Variants in NSUN6 observed in about 807,000 individuals in gnomAD.
The protein encoded by NSUN6 is tRNA (cytosine(72)-C(5))-methyltransferase NSUN6.
NSUN6 carries 64 observed loss-of-function variants against 58.0 expected under a neutral mutation model. That is an observed-to-expected ratio of 1.10 (90% CI 0.90 to 1.36). The LOEUF (loss-of-function observed/expected upper bound fraction) is 1.36, where lower values mean the gene tolerates loss of function less well. Ranked by LOEUF, NSUN6 falls within the 40% of genes most tolerant of loss-of-function variation. The pLI is 0.00. For missense variants in NSUN6, 701 were observed against 550.1 expected, an observed-to-expected ratio of 1.27 and a Z score of -2.74; for synonymous variants, 231 against 193.9, an observed-to-expected ratio of 1.19 and a Z score of -1.59.
At position 18,609,857 on chromosome 10, in the gene NSUN6, G is replaced by A; in HGVS notation, c.645C>T (p.Tyr215=). The A allele has an allele frequency of 1.9e-6, 3 of 1,563,674 alleles. No individual in the cohort carries two copies. The highest frequency in any genetic ancestry group is 2.6e-6 in the Non-Finnish European group (3 of 1,134,520). ...TATACATACTTACTTGTAAAAATAAGTAACGGGGCAGTACACTGTCAAATG... is the reference window on the plus strand; with the variant it reads ...TATACATACTTACTTGTAAAAATAAATAACGGGGCAGTACACTGTCAAATG... ...SPSFDSVLPR[Y]LFLQNLPSAL... is the part of the protein sequence containing the mutation. The change falls in exon 6 of 11, where the codon TAC becomes TAT. Residue 215 remains tyrosine (Y), a synonymous_variant. Coordinates refer to ENST00000377304, the MANE Select transcript of NSUN6 (RefSeq NM_182543.5).
chr10:18,560,577 G>A (rs1323585848), intron 8 of NSUN6, among the ~76,000 whole-genome samples: 3 of 149,404 alleles, frequency 2.0e-5, no homozygotes. Context: ...TGGAATGGAG[G>A]ATGGTATGGA....
At chr10:18,551,244 TTGTGTGTGTGTGTGTGTGTGTGTG>T (rs35396134) in intron 9 of NSUN6, among the ~76,000 whole-genome samples, 6 of 127,080 alleles carry the variant, frequency 4.7e-5, no homozygotes, top group African/African-American at 1.2e-4. Context: ...GTCCTCTCAG[TTGTGTGTGTGTGTGTGTGTGTGTG>T]TGTGTGTGTG....
chr10:18,638,313 C>T (rs1014500088), intron 3 of NSUN6, among the ~76,000 whole-genome samples: 1 of 152,002 alleles, frequency 6.6e-6, no homozygotes, highest in Non-Finnish European at 1.5e-5. Flanking sequence ...ATGGTGGCAG[C>T]TGCCTGTAAT....
chr10:18,557,379 G>C (rs2055110298), intron 8 of NSUN6, among the ~76,000 whole-genome samples: 1 of 150,824 alleles, frequency 6.6e-6, no homozygotes, highest in Admixed American at 6.6e-5. Context: ...AAATGGAGTG[G>C]AGAGTGGAAT....
chr10:18,571,085 CTCCAT>C (rs908226428), intron 8 of NSUN6, among the ~76,000 whole-genome samples: 3 of 150,954 alleles, frequency 2.0e-5, no homozygotes, highest in East Asian at 2.0e-4. Flanking sequence ...GCATTCCATG[CTCCAT>C]TCCATTCCAT....
Position 18,642,401 on chromosome 10 carries a change from C to T in NSUN6, c.311+75G>A, listed in dbSNP as rs2059416073. 1.7e-5 allele frequency: 13 copies of T among 749,354 alleles called. No homozygotes were observed. The South Asian group carries it at 1.9e-4, about 11-fold the overall frequency. The allele number at this position is 749,354 out of a possible 1,614,324, so 46.4% of individuals were successfully genotyped here. On this transcript the variant is annotated intron_variant, in intron 3 of 10. Transcript: ENST00000377304. Reference sequence around the variant, plus strand: ...ACAATGGAGAAACTTAGTATTATCACTGAACAATTAAAAAGCTCCCTGTGA... The same window carrying T: ...ACAATGGAGAAACTTAGTATTATCATTGAACAATTAAAAAGCTCCCTGTGA...
At chr10:18,565,810 CTCCATTCCATTCTCCAT>C (rs1320673313) in intron 8 of NSUN6, among the ~76,000 whole-genome samples, 5 of 149,292 alleles carry the variant, frequency 3.3e-5, no homozygotes, top group Admixed American at 6.7e-5. Flanking sequence ...CCTTTCTCCA[CTCCATTCCATTCTCCAT>C]TCCATTCCAT....
At chr10:18,608,965 T>C (rs2058135683) in intron 6 of NSUN6, among the ~76,000 whole-genome samples, 1 of 152,226 alleles carries the variant, frequency 6.6e-6, no homozygotes. Context: ...GTTGTTCTGT[T>C]TGTTCACACC....
chr10:18,645,040 C>T (rs1373201235), intron 2 of NSUN6, among the ~76,000 whole-genome samples: 1 of 151,086 alleles, frequency 6.6e-6, no homozygotes, highest in Non-Finnish European at 1.5e-5. Context: ...CACCTGTAAT[C>T]CCAGCTACTC....
At chr10:18,569,550 C>G (rs1416529462) in intron 8 of NSUN6, among the ~76,000 whole-genome samples, 1 of 151,026 alleles carries the variant, frequency 6.6e-6, no homozygotes, top group Admixed American at 6.6e-5. Flanking sequence ...ATTTTCAAGT[C>G]CTTTCCATTC....
At chr10:18,587,229 A>G (rs1272600742) in intron 7 of NSUN6, among the ~76,000 whole-genome samples, 1 of 152,216 alleles carries the variant, frequency 6.6e-6, no homozygotes, top group African/African-American at 2.4e-5. Context: ...CTGGAACAAC[A>G]TGAGCTAATG....
Position 18,551,244 on chromosome 10 carries a change from TTGTGTGTGTGTGTGTGTG to T in NSUN6, c.1071+561_1071+578del, listed in dbSNP as rs35396134. Among the ~76,000 whole-genome samples the T allele has an allele frequency of 6.7e-3, 856 of 127,170 alleles. 7 individuals are homozygous for T. Among genetic ancestry groups the T allele is most frequent in the African/African-American group, 0.022 (722 of 33,354 alleles). 83.4% of individuals were successfully genotyped at this position (127,170 alleles called of 152,430 possible). A position where few individuals can be genotyped will look rare whatever the true frequency, so the allele number is the denominator to read the frequency against. Reference sequence around the variant, plus strand: ...TATATTTAAAACTAGGTCCTCTCAGTTGTGTGTGTGTGTGTGTGTGTGTGTGTGTGTGTGTGTGTGTGT... The same window carrying T: ...TATATTTAAAACTAGGTCCTCTCAGTTGTGTGTGTGTGTGTGTGTGTGTGT... On this transcript the variant is annotated intron_variant, in intron 9 of 10. Transcript: ENST00000377304.
At chr10:18,594,481 C>G (rs1286427283) in intron 7 of NSUN6, among the ~76,000 whole-genome samples, 1 of 151,720 alleles carries the variant, frequency 6.6e-6, no homozygotes, top group Non-Finnish European at 1.5e-5. Context: ...CGGAGTCTCA[C>G]TCTGTCACCC....
intron 6 of NSUN6, among the ~76,000 whole-genome samples, chr10:18,601,950 G>A (rs1328143203): frequency 6.7e-6 from 1 of 150,204 alleles, no homozygotes; most frequent in African/African-American, 2.5e-5. Context: ...TCCAGCCTGG[G>A]TGACAGACTA....
chr10:18,630,727 G>T (rs1209608316), intron 3 of NSUN6, among the ~76,000 whole-genome samples: 1 of 152,262 alleles, frequency 6.6e-6, no homozygotes, highest in East Asian at 1.9e-4. Flanking sequence ...TCTCTGAATA[G>T]ACCAATAACA....
intron 8 of NSUN6, among the ~76,000 whole-genome samples, chr10:18,558,615 T>C (rs920720835): frequency 7.3e-4 from 109 of 148,888 alleles, no homozygotes; most frequent in Non-Finnish European, 9.1e-4. Context: ...GATAACAGAA[T>C]GGCGTGGAGA....
At chr10:18,578,000 T>C (rs769141444) in intron 8 of NSUN6, among the ~76,000 whole-genome samples, 1 of 152,230 alleles carries the variant, frequency 6.6e-6, no homozygotes, top group Non-Finnish European at 1.5e-5. Flanking sequence ...CATTGCTCCA[T>C]CTGTAAGGGC....
At chr10:18,650,180 A>C (rs977825867) in intron 1 of NSUN6, among the ~76,000 whole-genome samples, 1 of 152,242 alleles carries the variant, frequency 6.6e-6, no homozygotes, top group Non-Finnish European at 1.5e-5. Flanking sequence ...TTACATGCCA[A>C]AACAATGCAA....
rs183070591 is a variant in NSUN6 at position 18,559,660 on chromosome 10, C to T, written c.923-7689G>A. 5.7e-5 allele frequency among the ~76,000 whole-genome samples: 8 copies of T among 139,782 alleles called. No individual in the cohort carries two copies. In the South Asian group the frequency reaches 9.1e-4, roughly 16 times the overall value. The allele number at this position is 139,782 out of a possible 152,430, so 91.7% of individuals were successfully genotyped here. A position where few individuals can be genotyped will look rare whatever the true frequency, so the allele number is the denominator to read the frequency against. ...AATGGAATTAAGAATCTTACGGAGA[C>T]GGCAATGGAATGTGAAATGTAATGC... On this transcript the variant is annotated intron_variant, in intron 8 of 10. Coordinates refer to ENST00000377304, the MANE Select transcript of NSUN6 (RefSeq NM_182543.5).
Sources: allele counts gnomAD v4.1 joint callset (sites outside exome capture counted in the v4.1 genomes callset), GRCh38; gene constraint gnomAD v4.1.1; transcripts MANE v1.5; gene names NCBI Gene and HGNC (gene_info 2026-07-23, HGNC 2026-07-21).